EIF4EBP2: variants seen among roughly 807,000 people sequenced by gnomAD.
The protein encoded by EIF4EBP2 is eukaryotic translation initiation factor 4E binding protein 2, also known as eukaryotic translation initiation factor 4E-binding protein 2.
Under a neutral mutation model 10.3 loss-of-function variants are expected in EIF4EBP2, and 5 were observed. That is an observed-to-expected ratio of 0.48 (90% confidence interval 0.25 to 1.02). The LOEUF (loss-of-function observed/expected upper bound fraction) is 1.02. Among genes scored for constraint, EIF4EBP2 ranks in the 50% least tolerant of loss-of-function variants. The pLI, the probability that EIF4EBP2 is intolerant of heterozygous loss-of-function variation, is 0.15. For missense variants in EIF4EBP2, 188 were observed against 162.2 expected (o/e 1.16, Z -0.86); for synonymous variants, 67 against 61.1 (o/e 1.10, Z -0.45).
At chr10:70,412,389 G>A (rs933354985) in intron 1 of EIF4EBP2, among the ~76,000 whole-genome samples, 9 of 150,622 alleles carry the variant, frequency 6.0e-5, no homozygotes, top group African/African-American at 1.7e-4. Context: ...TTATGATGGC[G>A]GCCGGGGGGT....
intron 1 of EIF4EBP2, among the ~76,000 whole-genome samples, chr10:70,412,758 A>G (rs1324167770): frequency 6.6e-6 from 1 of 152,174 alleles, no homozygotes; most frequent in Non-Finnish European, 1.5e-5. Flanking sequence ...TTTCCCTAGT[A>G]ATGTTAAATC....
intron 1 of EIF4EBP2, among the ~76,000 whole-genome samples, chr10:70,406,501 T>C (rs1844965526): frequency 6.6e-6 from 1 of 151,498 alleles, no homozygotes. Flanking sequence ...AGCTATAATG[T>C]ATTTGGAAAG....
intron 1 of EIF4EBP2, among the ~76,000 whole-genome samples, chr10:70,408,624 T>A (rs1253377664): frequency 6.6e-6 from 1 of 152,094 alleles, no homozygotes; most frequent in East Asian, 1.9e-4. Context: ...TCAACCAGGG[T>A]GCAATAGTTT....
chr10:70,419,950 ATCG>A lies in EIF4EBP2; in HGVS notation c.186_188del (p.Arg63del). The A allele has an allele frequency of 6.3e-7, 1 of 1,595,502 alleles. No homozygotes were observed. Among genetic ancestry groups the A allele is most frequent in the Non-Finnish European group, 8.5e-7 (1 of 1,174,456 alleles). On this transcript the variant is annotated inframe_deletion, in exon 2 of 3. Coordinates refer to ENST00000373218, the MANE Select transcript of EIF4EBP2 (RefSeq NM_004096.5). ...ATTTATGACAGAAAGTTTCTGTTGG[ATCG>A]TCGCAATTCTCCCATGGCTCAGACC...
At chr10:70,420,363 C>G (rs755578241) in intron 2 of EIF4EBP2, among the ~76,000 whole-genome samples, 3 of 151,806 alleles carry the variant, frequency 2.0e-5, no homozygotes, top group African/African-American at 2.4e-5. Context: ...CCACGCCTGG[C>G]AAATTTTTGT....
intron 1 of EIF4EBP2, among the ~76,000 whole-genome samples, chr10:70,411,295 T>C (rs1388373824): frequency 2.0e-5 from 3 of 152,232 alleles, no homozygotes; most frequent in South Asian, 2.1e-4. Flanking sequence ...TTGACTACTC[T>C]AGGAATCTCA....
chr10:70,417,980 A>T (rs1282921467), intron 1 of EIF4EBP2, among the ~76,000 whole-genome samples: 1 of 152,214 alleles, frequency 6.6e-6, no homozygotes. Flanking sequence ...GACTAGAAAC[A>T]CCAAGTTAGA....
intron 1 of EIF4EBP2, among the ~76,000 whole-genome samples, chr10:70,412,647 CTTG>C (rs763737438): frequency 7.9e-5 from 12 of 152,190 alleles, no homozygotes; most frequent in South Asian, 2.1e-4. Flanking sequence ...CATTGACCTT[CTTG>C]TTGTTTTCTG....
intron 2 of EIF4EBP2, among the ~76,000 whole-genome samples, chr10:70,421,017 G>A (rs1038948798): frequency 1.3e-5 from 2 of 151,904 alleles, no homozygotes; most frequent in South Asian, 2.1e-4. Context: ...GGATGGTCTC[G>A]ATCTCCTGAC....
intron 1 of EIF4EBP2, among the ~76,000 whole-genome samples, chr10:70,408,450 T>C (rs1845007045): frequency 6.6e-6 from 1 of 152,248 alleles, no homozygotes; most frequent in East Asian, 1.9e-4. Flanking sequence ...GCTTATTTAA[T>C]ATCTTTATAA....
At position 70,404,372 on chromosome 10, in the gene EIF4EBP2, G is replaced by T. The variant is rs769998365; in HGVS notation, c.-30G>T. 2.0e-6 allele frequency: 3 copies of T among 1,512,290 alleles called. No individual in the cohort carries two copies. Among genetic ancestry groups the T allele is most frequent in the Non-Finnish European group, 2.7e-6 (3 of 1,131,568 alleles). The allele number at this position is 1,512,290 out of a possible 1,614,324, so 93.7% of individuals were successfully genotyped here. ...GCCCCGCCGCCGCCGCCTGCCCGCC[G>T]GACAAAGCCGAGAGCCCGCGCCCAC... On this transcript the variant is annotated 5_prime_UTR_variant, in exon 1 of 3. Coordinates refer to ENST00000373218, the MANE Select transcript of EIF4EBP2 (RefSeq NM_004096.5).
rs1845225129 is a variant in EIF4EBP2 at position 70,428,305 on chromosome 10, G to A, written c.*6558G>A. 1 of 151,922 alleles carries A rather than the reference G, an allele frequency of 6.6e-6. No homozygotes were observed. The highest frequency in any genetic ancestry group is 2.4e-5 in the African/African-American group (1 of 41,346). 9.4% of individuals were successfully genotyped at this position (151,922 alleles called of 1,614,324 possible). Reference sequence around the variant, plus strand: ...TTAAAAAAAAAAATAGCCCTGCCCTGTCTTAGTGCCACTAACGGCCCAGTT... The same window carrying A: ...TTAAAAAAAAAAATAGCCCTGCCCTATCTTAGTGCCACTAACGGCCCAGTT... On this transcript the variant is annotated 3_prime_UTR_variant, in exon 3 of 3. Transcript: ENST00000373218.
Position 70,423,727 on chromosome 10 carries a change from C to T in EIF4EBP2, c.*1980C>T, listed in dbSNP as rs886228208. The T allele has an allele frequency of 3.3e-5, 5 of 152,548 alleles. No homozygotes were observed. Among genetic ancestry groups the T allele is most frequent in the African/African-American group, 1.2e-4 (5 of 41,396 alleles). The allele number at this position is 152,548 out of a possible 1,614,324, so 9.4% of individuals were successfully genotyped here. On this transcript the variant is annotated 3_prime_UTR_variant, in exon 3 of 3. Transcript: ENST00000373218. ...TGCAGAACTTTGTTCTGTTTTCTGCCACAAAAATGTGAATAGTTCAGAGTG... is the reference window on the plus strand; with the variant it reads ...TGCAGAACTTTGTTCTGTTTTCTGCTACAAAAATGTGAATAGTTCAGAGTG...
chr10:70,408,683 T>G (rs548194215), intron 1 of EIF4EBP2, among the ~76,000 whole-genome samples: 1 of 152,320 alleles, frequency 6.6e-6, no homozygotes, highest in South Asian at 2.1e-4. Context: ...TAGGTATCGT[T>G]AGTAAATTTT....
chr10:70,407,730 A>ACCCCC (rs750558076), intron 1 of EIF4EBP2, among the ~76,000 whole-genome samples: 13 of 103,558 alleles, frequency 1.3e-4, no homozygotes, highest in African/African-American at 5.9e-4. Flanking sequence ...CGGGGGGCTG[A>ACCCCC]CCCCCCCCCC....
chr10:70,421,026 A>G (rs1564663440), intron 2 of EIF4EBP2, among the ~76,000 whole-genome samples: 1 of 151,566 alleles, frequency 6.6e-6, no homozygotes, highest in East Asian at 1.9e-4. Flanking sequence ...CGATCTCCTG[A>G]CCTCGTGATC....
intron 1 of EIF4EBP2, among the ~76,000 whole-genome samples, chr10:70,419,591 A>G (rs1434375321): frequency 1.3e-5 from 2 of 149,672 alleles, no homozygotes; most frequent in Non-Finnish European, 3.0e-5. Context: ...GATAAACAGG[A>G]GTCCTGTAAT....
At chr10:70,411,094 C>A (rs1245347088) in intron 1 of EIF4EBP2, among the ~76,000 whole-genome samples, 1 of 152,164 alleles carries the variant, frequency 6.6e-6, no homozygotes, top group Non-Finnish European at 1.5e-5. Flanking sequence ...CCATTTTAGT[C>A]ATTTTTAATT....
rs1210855374 is a variant in EIF4EBP2 at position 70,427,830 on chromosome 10, A to G, written c.*6083A>G. The G allele has an allele frequency of 1.3e-5, 2 of 152,172 alleles. No homozygotes were observed. The highest frequency in any genetic ancestry group is 1.9e-4 in the East Asian group (1 of 5,198). The allele number at this position is 152,172 out of a possible 1,614,324, so 9.4% of individuals were successfully genotyped here. A position where few individuals can be genotyped will look rare whatever the true frequency, so the allele number is the denominator to read the frequency against. On this transcript the variant is annotated 3_prime_UTR_variant, in exon 3 of 3. Transcript: ENST00000373218. ...CAATGCTTGATAATCATTTGGCCAC[A>G]CTGAAATTTCCAAAGGGAGCTCTTG...
Sources: gnomAD v4.1 joint callset for allele counts (sites outside exome capture counted in the v4.1 genomes callset) on GRCh38, gnomAD v4.1.1 for gene constraint, MANE v1.5 for transcripts, NCBI Gene and HGNC (gene_info 2026-07-23, HGNC 2026-07-21) for gene names.